The following TYW1B variants were observed in gnomAD, a reference collection of about 807,000 sequenced individuals.
TYW1B encodes tRNA-yW synthesizing protein 1 homolog B.
A neutral mutation model predicts 86.9 loss-of-function variants in TYW1B; 73 were observed. The observed-to-expected ratio is 0.84, with a 90% CI of 0.70 to 1.02. The LOEUF (loss-of-function observed/expected upper bound fraction) is 1.02, where lower values mean the gene tolerates loss of function less well. TYW1B is among the 50% of genes least tolerant of loss of function. The probability of loss-of-function intolerance (pLI) is 0.00; values close to 1 mark genes in which losing one functional copy is unlikely to be tolerated. For synonymous variants in TYW1B, 248 were observed against 292.8 expected (o/e 0.85, Z 1.56); for missense variants, 637 against 827.4 (o/e 0.77, Z 2.82).
chr7:72,681,429 C>T (rs1336386604), intron 11 of TYW1B, among the ~76,000 whole-genome samples: 2 of 152,004 alleles, frequency 1.3e-5, no homozygotes, highest in Non-Finnish European at 2.9e-5. Context: ...AAAGAAAGCA[C>T]AAGTACCCTT....
intron 13 of TYW1B, among the ~76,000 whole-genome samples, chr7:72,603,957 G>C (rs1811737211): frequency 6.6e-6 from 1 of 152,026 alleles, no homozygotes; most frequent in Admixed American, 6.6e-5. Flanking sequence ...AACAGAAAAA[G>C]GACATTAGGT....
chr7:72,689,116 T>C (rs1814078725), intron 11 of TYW1B, among the ~76,000 whole-genome samples: 1 of 152,042 alleles, frequency 6.6e-6, no homozygotes, highest in Admixed American at 6.6e-5. Flanking sequence ...GAAACAGATA[T>C]CCAGATTAGC....
At chr7:72,810,699 A>G (rs1554477992) in intron 3 of TYW1B, 34 bp from the exon 4 acceptor site, 20 of 1,567,874 alleles carry the variant, frequency 1.3e-5, no homozygotes, top group South Asian at 3.6e-5. Flanking sequence ...AGTGGAACAT[A>G]CAAGGCATAA....
chr7:72,813,528 A>C (rs1788664361), intron 3 of TYW1B, among the ~76,000 whole-genome samples: 1 of 152,178 alleles, frequency 6.6e-6, no homozygotes, highest in South Asian at 2.1e-4. Flanking sequence ...AGCATTGTTT[A>C]AGCTCTACAG....
chr7:72,701,065 GAA>G (rs1172098261), intron 10 of TYW1B, among the ~76,000 whole-genome samples: 3 of 135,456 alleles, frequency 2.2e-5, no homozygotes, highest in African/African-American at 5.5e-5. Context: ...TTCCATCTCA[GAA>G]AAAAAAAAAA....
intron 11 of TYW1B, among the ~76,000 whole-genome samples, chr7:72,672,785 T>C (rs1357977570): frequency 6.6e-6 from 1 of 152,196 alleles, no homozygotes; most frequent in South Asian, 2.1e-4. Context: ...TATGTGTGCA[T>C]GCATATGTAT....
chr7:72,659,310 G>A (rs1554444137), intron 11 of TYW1B, among the ~76,000 whole-genome samples: 22 of 152,188 alleles, frequency 1.4e-4, no homozygotes, highest in Admixed American at 1.4e-3. Context: ...AGGGCGTGGT[G>A]GCTCACGCCT....
intron 9 of TYW1B, among the ~76,000 whole-genome samples, chr7:72,727,484 G>A (rs535892073): frequency 6.6e-6 from 1 of 152,120 alleles, no homozygotes; most frequent in Admixed American, 6.5e-5. Context: ...TTCTCAAAGC[G>A]TGGTCCCCAG....
intron 12 of TYW1B, among the ~76,000 whole-genome samples, chr7:72,617,203 C>T (rs1187065370): frequency 7.2e-5 from 11 of 152,068 alleles, no homozygotes; most frequent in Non-Finnish European, 1.5e-4. Flanking sequence ...GGTTATCACC[C>T]CTTAGGACAA....
intron 9 of TYW1B, among the ~76,000 whole-genome samples, chr7:72,719,564 G>GAGGTTGC (rs1238438771): frequency 6.8e-6 from 1 of 146,390 alleles, no homozygotes; most frequent in Non-Finnish European, 1.5e-5. Flanking sequence ...CCAGGAGGCG[G>GAGGTTGC]AGGTTGCAGT....
chr7:72,763,936 T>C (rs1302942581), intron 7 of TYW1B, among the ~76,000 whole-genome samples: 1 of 152,224 alleles, frequency 6.6e-6, no homozygotes, highest in East Asian at 1.9e-4. Context: ...GTGGGTATGT[T>C]ATTGATATAA....
chr7:72,630,134 C>A (rs1273840030), intron 11 of TYW1B, among the ~76,000 whole-genome samples: 2 of 152,012 alleles, frequency 1.3e-5, no homozygotes, highest in Non-Finnish European at 2.9e-5. Context: ...CAAAAATGAG[C>A]CAGGCGTGGC....
intron 7 of TYW1B, among the ~76,000 whole-genome samples, chr7:72,748,441 C>G (rs1201377807): frequency 2.0e-5 from 3 of 151,088 alleles, no homozygotes; most frequent in African/African-American, 7.3e-5. Flanking sequence ...AACCTGTATG[C>G]ATTTTCTTTT....
At chr7:72,734,423 A>T (rs1787165468) in intron 8 of TYW1B, among the ~76,000 whole-genome samples, 1 of 152,176 alleles carries the variant, frequency 6.6e-6, no homozygotes, top group Non-Finnish European at 1.5e-5. Flanking sequence ...AAGGTCATGC[A>T]GTGGGGAAAG....
intron 2 of TYW1B, among the ~76,000 whole-genome samples, chr7:72,821,312 A>C (rs1554480431): frequency 6.6e-6 from 1 of 152,224 alleles, no homozygotes; most frequent in East Asian, 1.9e-4. Context: ...GATTCTACAA[A>C]AAATACAACC....
In TYW1B at chr7:72,784,993, C is replaced by A. The variant is rs1191301785; in HGVS notation, c.847-7460G>T. Reference sequence around the variant, plus strand: ...TGTCACAGCTCCAAATATCCCTACCCCCCAGTCAACTCTAGGCACACCAAA... The same window carrying A: ...TGTCACAGCTCCAAATATCCCTACCACCCAGTCAACTCTAGGCACACCAAA... On this transcript the variant is annotated intron_variant, in intron 6 of 13. Coordinates refer to ENST00000620995, the MANE Select transcript of TYW1B (RefSeq NM_001145440.3). 2.6e-5 allele frequency among the ~76,000 whole-genome samples: 4 copies of A among 152,036 alleles called. No homozygotes were observed. The East Asian group carries it at 7.7e-4, about 29-fold the overall frequency.
At chr7:72,621,268 G>A (rs1585854150) in intron 12 of TYW1B, among the ~76,000 whole-genome samples, 1 of 152,338 alleles carries the variant, frequency 6.6e-6, no homozygotes, top group South Asian at 2.1e-4. Flanking sequence ...GCAGAGCCAT[G>A]AGCCAAACAA....
intron 4 of TYW1B, among the ~76,000 whole-genome samples, chr7:72,809,485 C>T (rs1177776448): frequency 6.6e-6 from 1 of 151,874 alleles, no homozygotes; most frequent in African/African-American, 2.4e-5. Context: ...AGACCCTCAT[C>T]TCTAAAAAAA....
chr7:72,685,112 GAA>G (rs782187369), intron 11 of TYW1B, among the ~76,000 whole-genome samples: 6 of 98,752 alleles, frequency 6.1e-5, no homozygotes, highest in Non-Finnish European at 6.2e-5. Context: ...ACTCAATCTC[GAA>G]AAAAAAAAAA....
Sources: gnomAD v4.1 joint callset for allele counts (sites outside exome capture counted in the v4.1 genomes callset) on GRCh38, gnomAD v4.1.1 for gene constraint, MANE v1.5 for transcripts, NCBI Gene and HGNC (gene_info 2026-07-23, HGNC 2026-07-21) for gene names.